Variants in ZMYM4 observed in about 807,000 individuals in gnomAD.
ZMYM4 encodes zinc finger MYM-type protein 4.
A neutral mutation model predicts 183.2 loss-of-function variants in ZMYM4; 31 were observed. The observed-to-expected ratio is 0.17, with a 90% CI of 0.13 to 0.23. ZMYM4 has a LOEUF of 0.23. ZMYM4 is among the 10% of genes least tolerant of loss of function. The pLI is 1.00. For synonymous variants in ZMYM4, 592 were observed against 631.2 expected, an observed-to-expected ratio of 0.94 and a Z score of 0.93; for missense variants, 1,273 against 1,840.3, an observed-to-expected ratio of 0.69 and a Z score of 5.64.
intron 2 of ZMYM4, among the ~76,000 whole-genome samples, chr1:35,325,642 C>A (rs539694812): frequency 6.6e-6 from 1 of 151,940 alleles, no homozygotes; most frequent in African/African-American, 2.4e-5. Context: ...TAAAATATAG[C>A]CATACTTCGT....
chr1:35,370,945 A>C (rs1284246640), intron 7 of ZMYM4: 1 of 211,244 alleles, frequency 4.7e-6, no homozygotes, highest in Non-Finnish European at 9.3e-6. Context: ...GTATTACAGC[A>C]GTATTTTATA....
In ZMYM4 at chr1:35,392,269, C is replaced by A; in HGVS notation, c.2645C>A (p.Ser882Ter). The A allele has an allele frequency of 1.2e-6, 2 of 1,614,140 alleles. No homozygotes were observed. The highest frequency in any genetic ancestry group is 1.7e-6 in the Non-Finnish European group (2 of 1,180,014). ...SAGPPSLRKDSTPVIANVVSL... is the reference protein window; with the variant it reads ...SAGPPSLRKD ...GGACCCCCATCTCTGAGAAAAGATT[C>A]GACTCCAGTTATAGCCAATGTAGTA... The change falls in exon 16 of 30, where the codon TCG becomes TAG. Residue 882 changes from serine to a stop codon, truncating the protein, a stop_gained. Coordinates refer to ENST00000314607, the MANE Select transcript of ZMYM4 (RefSeq NM_005095.3). LOFTEE classifies it high-confidence loss of function.
chr1:35,411,771 G>A (rs1208843230), intron 26 of ZMYM4, among the ~76,000 whole-genome samples: 1 of 152,086 alleles, frequency 6.6e-6, no homozygotes, highest in East Asian at 1.9e-4. Flanking sequence ...TTTAATTTTT[G>A]CTTTCAGCAG....
chr1:35,361,578 T>A, intron 4 of ZMYM4, 41 bp from the exon 5 acceptor site: 1 of 1,577,526 alleles, frequency 6.3e-7, no homozygotes, highest in Non-Finnish European at 8.6e-7. Context: ...GGAATCATTT[T>A]AAAATCTGAA....
At chr1:35,378,984 AATTAGGGCCTTGCTCTGG>A (rs1183493582) in intron 7 of ZMYM4, among the ~76,000 whole-genome samples, 1 of 152,076 alleles carries the variant, frequency 6.6e-6, no homozygotes, top group Non-Finnish European at 1.5e-5. Context: ...AATTCAAGAG[AATTAGGGCCTTGCTCTGG>A]ATTAGGCTTT....
At chr1:35,276,247 C>T in intron 1 of ZMYM4, among the ~76,000 whole-genome samples, 1 of 142,840 alleles carries the variant, frequency 7.0e-6, no homozygotes, top group Non-Finnish European at 1.5e-5. Flanking sequence ...CATTTCTGTC[C>T]CTCCCTCCCT....
intron 1 of ZMYM4, among the ~76,000 whole-genome samples, chr1:35,297,379 A>G (rs1352835087): frequency 6.6e-6 from 1 of 151,722 alleles, no homozygotes; most frequent in Non-Finnish European, 1.5e-5. Context: ...TGAGGGTGAG[A>G]TGGGAGGATG....
rs1380552187 is a variant in ZMYM4, at chr1:35,359,268, T to C, written c.429T>C (p.Asp143=). The change falls in exon 3 of 30, where the codon GAT becomes GAC. Residue 143 remains aspartate (D), a synonymous_variant. Coordinates refer to ENST00000314607, the MANE Select transcript of ZMYM4 (RefSeq NM_005095.3). ...KLKKDFPKQF[D]QVSVFKSIRK... ...AAAAAGACTTTCCTAAACAATTTGA[T>C]CAGGTTTCTGTCTTTAAATCAATAC... 6.2e-7 allele frequency: 1 copy of C among 1,609,190 alleles called. No homozygotes were observed. Among genetic ancestry groups the C allele is most frequent in the Non-Finnish European group, 8.5e-7 (1 of 1,178,610 alleles).
At chr1:35,271,360 G>GGA (rs777657394) in intron 1 of ZMYM4, among the ~76,000 whole-genome samples, 2 of 142,794 alleles carry the variant, frequency 1.4e-5, no homozygotes, top group South Asian at 2.2e-4. Flanking sequence ...AGGAATGCTG[G>GGA]AAAAAAAAAA....
At chr1:35,298,884 C>T (rs1314072708) in intron 1 of ZMYM4, among the ~76,000 whole-genome samples, 2 of 152,162 alleles carry the variant, frequency 1.3e-5, no homozygotes, top group Non-Finnish European at 1.5e-5. Context: ...CATTGCCATA[C>T]TCTTTACTTA....
At chr1:35,388,091 C>A (rs969728494) in intron 13 of ZMYM4, among the ~76,000 whole-genome samples, 1 of 152,226 alleles carries the variant, frequency 6.6e-6, no homozygotes, top group Non-Finnish European at 1.5e-5. Context: ...TACTCTAAAG[C>A]TGTATTAGCC....
At chr1:35,321,599 G>A (rs965213690) in intron 1 of ZMYM4, among the ~76,000 whole-genome samples, 3 of 152,048 alleles carry the variant, frequency 2.0e-5, no homozygotes, top group East Asian at 3.9e-4. Flanking sequence ...CTGTGTGTGT[G>A]TGTGTGTGTG....
At chr1:35,269,644 A>G (rs943146714) in intron 1 of ZMYM4, among the ~76,000 whole-genome samples, 1 of 152,106 alleles carries the variant, frequency 6.6e-6, no homozygotes, top group African/African-American at 2.4e-5. Context: ...TTTAGGAGAA[A>G]GATTTTGGCT....
At chr1:35,385,140 T>TA (rs1644548759) in intron 9 of ZMYM4, among the ~76,000 whole-genome samples, 1 of 152,226 alleles carries the variant, frequency 6.6e-6, no homozygotes, top group Non-Finnish European at 1.5e-5. Flanking sequence ...CCACTACGCC[T>TA]GGCCGCATTA....
At chr1:35,316,146 A>G (rs934230222) in intron 1 of ZMYM4, among the ~76,000 whole-genome samples, 4 of 152,130 alleles carry the variant, frequency 2.6e-5, no homozygotes, top group African/African-American at 7.2e-5. Context: ...ATGTAGCCCA[A>G]CTTTATTATA....
intron 2 of ZMYM4, among the ~76,000 whole-genome samples, chr1:35,340,497 G>A (rs897738609): frequency 6.6e-6 from 1 of 151,748 alleles, no homozygotes; most frequent in Non-Finnish European, 1.5e-5. Flanking sequence ...GGGAACCCTG[G>A]TCTTGTTTTC....
intron 1 of ZMYM4, among the ~76,000 whole-genome samples, chr1:35,273,782 C>T (rs1056658332): frequency 6.6e-6 from 1 of 152,062 alleles, no homozygotes; most frequent in African/African-American, 2.4e-5. Context: ...GGGATATTAC[C>T]ACTGATTACC....
chr1:35,296,730 A>G (rs1478319701), intron 1 of ZMYM4, among the ~76,000 whole-genome samples: 1 of 152,048 alleles, frequency 6.6e-6, no homozygotes, highest in Non-Finnish European at 1.5e-5. Context: ...GGGCAGGTGG[A>G]AGTTTGAAAT....
At chr1:35,284,655 T>C (rs1206240562) in intron 1 of ZMYM4, among the ~76,000 whole-genome samples, 1 of 152,184 alleles carries the variant, frequency 6.6e-6, no homozygotes, top group Non-Finnish European at 1.5e-5. Flanking sequence ...AACAACAAAT[T>C]TATTTCTTAC....
Sources: gnomAD v4.1 joint callset for allele counts (sites outside exome capture counted in the v4.1 genomes callset) on GRCh38, gnomAD v4.1.1 for gene constraint, MANE v1.5 for transcripts, NCBI Gene and HGNC (gene_info 2026-07-23, HGNC 2026-07-21) for gene names.